SAMD5: variants seen among roughly 807,000 people sequenced by gnomAD.
SAMD5 encodes sterile alpha motif domain containing 5.
A neutral mutation model predicts 11.3 loss-of-function variants in SAMD5; 13 were observed. The observed-to-expected ratio is 1.15, with a 90% CI of 0.75 to 1.83. The LOEUF (loss-of-function observed/expected upper bound fraction) is 1.83. SAMD5 is among the 40% of genes most tolerant of loss of function. The pLI is 0.00. For synonymous variants in SAMD5, 129 were observed against 111.3 expected, an observed-to-expected ratio of 1.16 and a Z score of -1.00; for missense variants, 255 against 239.1, an observed-to-expected ratio of 1.07 and a Z score of -0.44.
intron 1 of SAMD5, among the ~76,000 whole-genome samples, chr6:147,579,745 C>T (rs757694472): frequency 6.6e-6 from 1 of 152,182 alleles, no homozygotes. Context: ...GCATGAGCCA[C>T]TGAATCAGGG....
At position 147,567,654 on chromosome 6, in the gene SAMD5, C is replaced by T. The variant is rs1304903721; in HGVS notation, c.*3198C>T. 1 of 985,242 alleles carries T rather than the reference C, an allele frequency of 1.0e-6. No homozygotes were observed. Among genetic ancestry groups the T allele is most frequent in the African/African-American group, 1.7e-5 (1 of 57,228 alleles). 61.0% of individuals were successfully genotyped at this position (985,242 alleles called of 1,614,324 possible). On this transcript the variant is annotated 3_prime_UTR_variant, in exon 2 of 2. Coordinates refer to ENST00000367474, the MANE Select transcript of SAMD5 (RefSeq NM_001030060.3). Reference sequence around the variant, plus strand: ...AGGTGCTGACTGCCTCTCTCCCTTCCCTTCTTTACTCTCAGTTGTCTTATT... The same window carrying T: ...AGGTGCTGACTGCCTCTCTCCCTTCTCTTCTTTACTCTCAGTTGTCTTATT...
the SAMD5 span, among the ~76,000 whole-genome samples, chr6:147,868,266 G>A: frequency 1.3e-5 from 2 of 152,118 alleles, no homozygotes; most frequent in African/African-American, 4.8e-5. Context: ...GTCATTATAT[G>A]GATAATTTGT....
At chr6:147,864,726 T>C in the SAMD5 span, among the ~76,000 whole-genome samples, 1 of 152,232 alleles carries the variant, frequency 6.6e-6, no homozygotes, top group East Asian at 1.9e-4. Flanking sequence ...TATATCATTT[T>C]TATAAAACAA....
Position 147,509,148 on chromosome 6 carries a change from T to C in SAMD5, c.220T>C (p.Phe74Leu). The C allele has an allele frequency of 2.0e-6, 3 of 1,505,208 alleles. No individual in the cohort carries two copies. The highest frequency in any genetic ancestry group is 2.7e-6 in the Non-Finnish European group (3 of 1,128,562). The allele number at this position is 1,505,208 out of a possible 1,614,324, so 93.2% of individuals were successfully genotyped here. ...GGACGCCAACGCCGCCGGCCTCTACTTCACGCTTGAGCCGCAGCCGGCGCC... is the reference window on the plus strand; with the variant it reads ...GGACGCCAACGCCGCCGGCCTCTACCTCACGCTTGAGCCGCAGCCGGCGCC... ...EQDANAAGLY[F>L]TLEPQPAPPG... The change falls in exon 1 of 2, where the codon TTC becomes CTC. Residue 74 changes from phenylalanine (F) to leucine (L), a missense_variant. Transcript: ENST00000367474.
chr6:147,710,912 T>C (rs1296882048), intron 1 of SAMD5, among the ~76,000 whole-genome samples: 1 of 151,560 alleles, frequency 6.6e-6, no homozygotes, highest in African/African-American at 2.4e-5. Flanking sequence ...GTGCCTGTTA[T>C]ATATACACTA....
the SAMD5 span, among the ~76,000 whole-genome samples, chr6:147,914,381 G>C: frequency 6.6e-6 from 1 of 152,098 alleles, no homozygotes; most frequent in Admixed American, 6.6e-5. Context: ...ATTGAAGTCA[G>C]CTACTGAGGA....
chr6:147,892,265 T>C, the SAMD5 span, among the ~76,000 whole-genome samples: 1 of 152,292 alleles, frequency 6.6e-6, no homozygotes, highest in African/African-American at 2.4e-5. Context: ...ACAGAGAAAA[T>C]TCTTTCACAG....
At chr6:147,876,661 G>A in the SAMD5 span, among the ~76,000 whole-genome samples, 1 of 152,186 alleles carries the variant, frequency 6.6e-6, no homozygotes, top group Non-Finnish European at 1.5e-5. Context: ...AAAAATACTG[G>A]TTTGTACTAG....
chr6:147,837,850 G>A, the SAMD5 span, among the ~76,000 whole-genome samples: 7 of 151,966 alleles, frequency 4.6e-5, no homozygotes, highest in Middle Eastern at 3.2e-3. Flanking sequence ...TAAAATACTC[G>A]ACTCAAACGG....
the SAMD5 span, among the ~76,000 whole-genome samples, chr6:147,786,566 C>T: frequency 6.6e-6 from 1 of 152,182 alleles, no homozygotes; most frequent in African/African-American, 2.4e-5. Flanking sequence ...TTTCATCAGT[C>T]AAAGTATGTA....
chr6:147,527,455 C>A (rs977951930), intron 1 of SAMD5, among the ~76,000 whole-genome samples: 9 of 152,112 alleles, frequency 5.9e-5, no homozygotes, highest in African/African-American at 2.2e-4. Flanking sequence ...GGAGCCAAAC[C>A]ATTCATGAGA....
intron 1 of SAMD5, among the ~76,000 whole-genome samples, chr6:147,647,320 T>C (rs1402805102): frequency 6.6e-6 from 1 of 152,110 alleles, no homozygotes; most frequent in African/African-American, 2.4e-5. Flanking sequence ...AAATGGTGAC[T>C]GAATAGATGC....
chr6:147,775,356 C>T, the SAMD5 span, among the ~76,000 whole-genome samples: 6 of 152,070 alleles, frequency 3.9e-5, no homozygotes, highest in Non-Finnish European at 8.8e-5. Flanking sequence ...ATGAAGATTA[C>T]CTGCAATAAT....
chr6:147,758,806 C>T, the SAMD5 span, among the ~76,000 whole-genome samples: 1 of 152,096 alleles, frequency 6.6e-6, no homozygotes, highest in Non-Finnish European at 1.5e-5. Flanking sequence ...TTCCTTCCCT[C>T]CTCCTGTTGG....
At chr6:147,671,715 G>A (rs901935107) in intron 1 of SAMD5, among the ~76,000 whole-genome samples, 2 of 151,892 alleles carry the variant, frequency 1.3e-5, no homozygotes, top group Admixed American at 6.6e-5. Flanking sequence ...AAAAATTTTG[G>A]ATCTTTTTAT....
intron 1 of SAMD5, among the ~76,000 whole-genome samples, chr6:147,686,143 G>A (rs1435990808): frequency 6.6e-6 from 1 of 152,086 alleles, no homozygotes; most frequent in Non-Finnish European, 1.5e-5. Flanking sequence ...AAAACAGCAA[G>A]TTTTCGTTTT....
At chr6:147,718,290 G>A (rs557439078) in intron 1 of SAMD5, among the ~76,000 whole-genome samples, 7 of 152,110 alleles carry the variant, frequency 4.6e-5, no homozygotes, top group South Asian at 2.1e-4. Context: ...ATCCCCCACC[G>A]AGTGTGCATG....
the SAMD5 span, among the ~76,000 whole-genome samples, chr6:147,837,831 T>C: frequency 6.6e-6 from 1 of 152,178 alleles, no homozygotes; most frequent in African/African-American, 2.4e-5. Context: ...GTAATGCCAC[T>C]CTGAGAACTA....
At chr6:147,761,520 C>G in the SAMD5 span, among the ~76,000 whole-genome samples, 3 of 151,820 alleles carry the variant, frequency 2.0e-5, no homozygotes, top group Admixed American at 2.0e-4. Flanking sequence ...AAAAAATCAC[C>G]TGAAGTTAAT....
Sources: gnomAD v4.1 joint callset for allele counts (sites outside exome capture counted in the v4.1 genomes callset) on GRCh38, gnomAD v4.1.1 for gene constraint, MANE v1.5 for transcripts, NCBI Gene and HGNC (gene_info 2026-07-23, HGNC 2026-07-21) for gene names.